The following NOL7 variants were observed in gnomAD, a reference collection of about 807,000 sequenced individuals.
NOL7 encodes the protein nucleolar protein 7.
NOL7 carries 36 observed loss-of-function variants against 38.4 expected under a neutral mutation model. The ratio of observed to expected loss-of-function variants is 0.94; its 90% CI spans 0.72 to 1.24. NOL7 has a LOEUF of 1.24. Ranked by LOEUF, NOL7 falls within the 50% of genes most tolerant of loss-of-function variation. NOL7 has a pLI of 0.00. For synonymous variants in NOL7, 142 were observed against 126.5 expected, an observed-to-expected ratio of 1.12 and a Z score of -0.82; for missense variants, 350 against 315.1, an observed-to-expected ratio of 1.11 and a Z score of -0.84.
rs1295109887 is a variant in NOL7 at position 13,621,209 on chromosome 6, A to G, written c.*382A>G. On this transcript the variant is annotated 3_prime_UTR_variant, in exon 8 of 8. Transcript: ENST00000451315. ...AAGATTCAGTGCACAAAATATAGCT[A>G]ACAGCTTTTAAATTTTTACTTTTAA... is the stretch of plus-strand genomic sequence containing the variant. The G allele has an allele frequency of 6.4e-6, 1 of 155,164 alleles. No homozygotes were observed. The highest frequency in any genetic ancestry group is 1.4e-5 in the Non-Finnish European group (1 of 70,042). The allele number at this position is 155,164 out of a possible 1,614,324, so 9.6% of individuals were successfully genotyped here.
chr6:13,615,880 C>T, intron 2 of NOL7, 108 bp downstream of exon 2: 1 of 1,117,556 alleles, frequency 8.9e-7, no homozygotes, highest in Non-Finnish European at 1.3e-6. Flanking sequence ...GAAACAGTCA[C>T]CAAGATTGCC....
intron 3 of NOL7, among the ~76,000 whole-genome samples, chr6:13,617,540 T>C (rs1270335605): frequency 6.6e-6 from 1 of 152,238 alleles, no homozygotes; most frequent in Non-Finnish European, 1.5e-5. Context: ...GAAAGCCTGC[T>C]AATAGGCTCT....
chr6:13,632,232 C>G (rs1455778457), intron 8 of NOL7: 3 of 501,780 alleles, frequency 6.0e-6, no homozygotes, highest in Non-Finnish European at 9.1e-6. Context: ...TTTCCACTCT[C>G]AGATGGGCAA....
At chr6:13,622,029 C>T (rs979547629), downstream of NOL7, 24 of 163,154 alleles carry the variant, frequency 1.5e-4, no homozygotes, top group Non-Finnish European at 2.9e-4. Flanking sequence ...CCATTTCCTT[C>T]CCCTCTCTCC....
At chr6:13,615,975 G>T (rs1764271502) in intron 2 of NOL7, among the ~76,000 whole-genome samples, 2 of 152,186 alleles carry the variant, frequency 1.3e-5, no homozygotes, top group African/African-American at 2.4e-5. Flanking sequence ...TGTCGAGGCT[G>T]CCTGGAGCCG....
rs764875467 is a variant in NOL7, at chr6:13,616,530, T to C, written c.386+9T>C. The C allele has an allele frequency of 1.3e-6, 2 of 1,585,082 alleles. No individual in the cohort carries two copies. The highest frequency in any genetic ancestry group is 1.1e-5 in the South Asian group (1 of 88,376). ...ACAGCTTCACAGACTAAGTAAGTAA[T>C]GGATCTTTTTATATTACTTGCTTAT... On this transcript the variant is annotated intron_variant, in intron 3 of 7. Coordinates refer to ENST00000451315, the MANE Select transcript of NOL7 (RefSeq NM_016167.5).
rs1308091171 is a variant in NOL7 at position 13,621,492 on chromosome 6, ACTGTAT to A, written c.*671_*676del. On this transcript the variant is annotated 3_prime_UTR_variant, in exon 8 of 8. Transcript: ENST00000451315. ...TACCTAATATATAAACTCAATTGACACTGTATCTGTAGAAGTAAATTTTTAATGGCT... is the reference window on the plus strand; with the variant it reads ...TACCTAATATATAAACTCAATTGACACTGTAGAAGTAAATTTTTAATGGCT... 6.6e-6 allele frequency: 1 copy of A among 152,630 alleles called. No individual in the cohort carries two copies. Among genetic ancestry groups the A allele is most frequent in the Non-Finnish European group, 1.5e-5 (1 of 68,046 alleles). The allele number at this position is 152,630 out of a possible 1,614,324, so 9.5% of individuals were successfully genotyped here.
chr6:13,618,227 A>G (rs1033112940), intron 5 of NOL7, 88 bp downstream of exon 5: 20 of 455,616 alleles, frequency 4.4e-5, no homozygotes, highest in Non-Finnish European at 7.1e-5. Context: ...ATTTTATTTT[A>G]TTTTATTTTA....
chr6:13,626,506 T>C (rs1380108555), downstream of NOL7, among the ~76,000 whole-genome samples: 2 of 152,220 alleles, frequency 1.3e-5, no homozygotes, highest in African/African-American at 4.8e-5. Context: ...GAGGCCCTAT[T>C]TCCTAGATTT....
intron 2 of NOL7, among the ~76,000 whole-genome samples, chr6:13,615,986 A>C (rs1447149570): frequency 6.6e-6 from 1 of 151,872 alleles, no homozygotes; most frequent in African/African-American, 2.4e-5. Flanking sequence ...CCTGGAGCCG[A>C]GATCACACCA....
chr6:13,625,808 CTA>C, downstream of NOL7: 1 of 1,330,478 alleles, frequency 7.5e-7, no homozygotes, highest in Non-Finnish European at 1.1e-6. Flanking sequence ...AATAGTTCAA[CTA>C]TTATGCTCAC....
At chr6:13,631,466 TGTA>T (rs1157804422) in intron 8 of NOL7, among the ~76,000 whole-genome samples, 1 of 152,232 alleles carries the variant, frequency 6.6e-6, no homozygotes, top group East Asian at 1.9e-4. Flanking sequence ...CATATCCTTG[TGTA>T]TCATGTCGGC....
Position 13,615,404 on chromosome 6 carries a change from G to T in NOL7, c.46G>T (p.Glu16Ter). The T allele has an allele frequency of 6.5e-7, 1 of 1,538,798 alleles. No homozygotes were observed. Among genetic ancestry groups the T allele is most frequent in the Non-Finnish European group, 8.7e-7 (1 of 1,143,052 alleles). ...PRASRAPASA[E>*]AMVDEGQLAS... is the part of the protein sequence containing the mutation. ...AGCGTCTCGCGCCCCGGCGTCGGCG[G>T]AGGCGATGGTGGACGAGGGCCAGCT... The change falls in exon 1 of 8, where the codon GAG becomes TAG. Residue 16 changes from glutamate (E) to a stop codon, truncating the protein, a stop_gained. Transcript: ENST00000451315. LOFTEE classifies it high-confidence loss of function.
intron 3 of NOL7, 61 bp downstream of exon 3, chr6:13,616,582 G>A (rs1283833682): frequency 2.7e-6 from 3 of 1,103,102 alleles, no homozygotes; most frequent in African/African-American, 3.2e-5. Flanking sequence ...ATTATATACT[G>A]GTACATTTAT....
At position 13,620,454 on chromosome 6, in the gene NOL7, AGCT is replaced by A. The variant is rs1554220395; in HGVS notation, c.674_676del (p.Ala225del). On this transcript the variant is annotated inframe_deletion, in exon 7 of 8. Coordinates refer to ENST00000451315, the MANE Select transcript of NOL7 (RefSeq NM_016167.5). The stretch of plus-strand genomic sequence containing the variant: ...CCAACAAGAGGTTACCAGTGAAAAG[AGCT>A]GCTGTCCAGTTTTTGAATAATGCTT... The A allele has an allele frequency of 3.1e-6, 5 of 1,614,118 alleles. No homozygotes were observed. The South Asian group carries it at 5.5e-5, about 18-fold the overall frequency.
rs369994831 is a variant in NOL7, at chr6:13,615,635, C to G, written c.266+11C>G. On this transcript the variant is annotated intron_variant, in intron 1 of 7. Coordinates refer to ENST00000451315, the MANE Select transcript of NOL7 (RefSeq NM_016167.5). Reference sequence around the variant, plus strand: ...GGAGACCGTGCGCAGGTTCGGAGCCCGCTGCCCGGCGGGGAGAACCGCCCT... The same window carrying G: ...GGAGACCGTGCGCAGGTTCGGAGCCGGCTGCCCGGCGGGGAGAACCGCCCT... The G allele has an allele frequency of 7.5e-6, 12 of 1,607,652 alleles. No homozygotes were observed. Among genetic ancestry groups the G allele is most frequent in the Non-Finnish European group, 8.5e-6 (10 of 1,176,580 alleles).
At chr6:13,630,279 C>T (rs1228398705) in intron 8 of NOL7, among the ~76,000 whole-genome samples, 1 of 152,134 alleles carries the variant, frequency 6.6e-6, no homozygotes, top group African/African-American at 2.4e-5. Flanking sequence ...GACATCTATA[C>T]TCTTTAAATA....
At chr6:13,622,541 T>G (rs1326340378), downstream of NOL7, 1 of 1,495,950 alleles carries the variant, frequency 6.7e-7, no homozygotes, top group African/African-American at 1.4e-5. Context: ...CAAGACATTT[T>G]AAAAAACATT....
At chr6:13,624,232 T>C (rs1221342872), downstream of NOL7, among the ~76,000 whole-genome samples, 2 of 152,236 alleles carry the variant, frequency 1.3e-5, no homozygotes, top group Non-Finnish European at 2.9e-5. Context: ...ATAAATTTTC[T>C]AAGGGCAAAG....
Sources: gnomAD v4.1 joint callset for allele counts (sites outside exome capture counted in the v4.1 genomes callset) on GRCh38, gnomAD v4.1.1 for gene constraint, MANE v1.5 for transcripts, NCBI Gene and HGNC (gene_info 2026-07-23, HGNC 2026-07-21) for gene names.